Variants in LRFN5 observed in about 807,000 individuals in gnomAD.
The protein encoded by LRFN5 is leucine-rich repeat and fibronectin type-III domain-containing protein 5.
In LRFN5, 24 loss-of-function variants were observed where a neutral mutation model predicts 45.6. The ratio of observed to expected loss-of-function variants is 0.53; its 90% CI spans 0.38 to 0.74. The LOEUF is 0.74. LRFN5 is among the 30% of genes least tolerant of loss of function. The pLI, the probability that LRFN5 is intolerant of heterozygous loss-of-function variation, is 0.00. For synonymous variants in LRFN5, 340 were observed against 313.8 expected, an observed-to-expected ratio of 1.08 and a Z score of -0.88; for missense variants, 776 against 861.5, an observed-to-expected ratio of 0.90 and a Z score of 1.24.
chr14:41,615,241 C>G (rs567175087), intron 1 of LRFN5, among the ~76,000 whole-genome samples: 4 of 152,118 alleles, frequency 2.6e-5, no homozygotes, highest in African/African-American at 9.6e-5. Flanking sequence ...TATATTATTT[C>G]ACTTTTATAT....
intron 2 of LRFN5, among the ~76,000 whole-genome samples, chr14:41,834,692 C>T (rs2139040030): frequency 6.6e-6 from 1 of 152,156 alleles, no homozygotes; most frequent in African/African-American, 2.4e-5. Context: ...GACAGGTTCT[C>T]ACTCTGTTGC....
At chr14:41,773,959 A>G (rs777199406) in intron 2 of LRFN5, among the ~76,000 whole-genome samples, 2 of 152,212 alleles carry the variant, frequency 1.3e-5, no homozygotes, top group South Asian at 2.1e-4. Flanking sequence ...GCAGTACTTG[A>G]TATAGAGGAG....
At chr14:41,650,456 G>T (rs1001685772) in intron 1 of LRFN5, among the ~76,000 whole-genome samples, 1 of 152,062 alleles carries the variant, frequency 6.6e-6, no homozygotes, top group Non-Finnish European at 1.5e-5. Flanking sequence ...AATTAAATTT[G>T]TTAGCAATTA....
At chr14:41,751,822 G>C (rs570238992) in intron 1 of LRFN5, among the ~76,000 whole-genome samples, 3 of 152,206 alleles carry the variant, frequency 2.0e-5, no homozygotes, top group Admixed American at 6.5e-5. Flanking sequence ...GTGCAGGTTT[G>C]TTACATATGT....
intron 1 of LRFN5, among the ~76,000 whole-genome samples, chr14:41,639,092 C>T (rs887550195): frequency 6.6e-6 from 1 of 151,772 alleles, no homozygotes; most frequent in Non-Finnish European, 1.5e-5. Flanking sequence ...TCTTATGACT[C>T]CTAGTATTAG....
chr14:41,673,973 G>A (rs1177971607), intron 1 of LRFN5, among the ~76,000 whole-genome samples: 1 of 148,238 alleles, frequency 6.7e-6, no homozygotes, highest in Non-Finnish European at 1.5e-5. Flanking sequence ...CTCCCGGACG[G>A]GGTGGCTGCC....
intron 2 of LRFN5, among the ~76,000 whole-genome samples, chr14:41,869,210 T>A (rs1197890187): frequency 6.6e-6 from 1 of 152,114 alleles, no homozygotes; most frequent in African/African-American, 2.4e-5. Context: ...TTGTTTCCAG[T>A]TTGACATTAT....
At chr14:41,645,410 T>G (rs1248210145) in intron 1 of LRFN5, among the ~76,000 whole-genome samples, 1 of 152,146 alleles carries the variant, frequency 6.6e-6, no homozygotes. Flanking sequence ...AATTTTTGTA[T>G]TTTTAGTAGA....
chr14:41,817,189 T>C (rs1887951486), intron 2 of LRFN5, among the ~76,000 whole-genome samples: 1 of 152,136 alleles, frequency 6.6e-6, no homozygotes, highest in African/African-American at 2.4e-5. Context: ...GCATGTTGCC[T>C]GTCCATTAGA....
intron 1 of LRFN5, among the ~76,000 whole-genome samples, chr14:41,609,853 C>T (rs2138533461): frequency 6.6e-6 from 1 of 152,196 alleles, no homozygotes; most frequent in African/African-American, 2.4e-5. Context: ...AGTGTAGGGG[C>T]GCTGCCTGAT....
chr14:41,619,723 G>A (rs1888051346), intron 1 of LRFN5, among the ~76,000 whole-genome samples: 1 of 151,614 alleles, frequency 6.6e-6, no homozygotes, highest in Non-Finnish European at 1.5e-5. Flanking sequence ...ACATATATAT[G>A]TACATACATA....
chr14:41,873,258 C>A (rs1232183184), intron 2 of LRFN5, among the ~76,000 whole-genome samples: 1 of 152,092 alleles, frequency 6.6e-6, no homozygotes, highest in Admixed American at 6.6e-5. Flanking sequence ...AAACTCAAAT[C>A]ACAGAAACAC....
chr14:41,620,202 TA>T (rs567318309), intron 1 of LRFN5, among the ~76,000 whole-genome samples: 15 of 151,990 alleles, frequency 9.9e-5, no homozygotes, highest in Admixed American at 9.8e-4. Flanking sequence ...CAGAAATTGT[TA>T]AAAAAATAAT....
intron 2 of LRFN5, among the ~76,000 whole-genome samples, chr14:41,860,423 A>C (rs1027316882): frequency 6.6e-6 from 1 of 152,166 alleles, no homozygotes; most frequent in Non-Finnish European, 1.5e-5. Context: ...ATATAAACAA[A>C]AATAAATATA....
intron 3 of LRFN5, among the ~76,000 whole-genome samples, chr14:41,890,364 C>T (rs1460614250): frequency 6.6e-6 from 1 of 152,028 alleles, no homozygotes; most frequent in Admixed American, 6.6e-5. Flanking sequence ...AAAAACATAA[C>T]GCAGTCCAAG....
At chr14:41,625,824 A>C (rs1365857568) in intron 1 of LRFN5, among the ~76,000 whole-genome samples, 1 of 152,144 alleles carries the variant, frequency 6.6e-6, no homozygotes, top group Non-Finnish European at 1.5e-5. Flanking sequence ...ATACAGCCTA[A>C]GTATTCATCA....
intron 2 of LRFN5, among the ~76,000 whole-genome samples, chr14:41,827,520 G>A (rs1888339460): frequency 1.3e-5 from 2 of 151,528 alleles, no homozygotes; most frequent in African/African-American, 4.8e-5. Context: ...AAAAATAATC[G>A]AGGCAAAATG....
At chr14:41,848,770 C>T (rs1889159025) in intron 2 of LRFN5, among the ~76,000 whole-genome samples, 1 of 152,062 alleles carries the variant, frequency 6.6e-6, no homozygotes, top group Non-Finnish European at 1.5e-5. Context: ...TTCAGTTCCC[C>T]ATGGAGCCCC....
chr14:41,838,308 A>G (rs1017565888), intron 2 of LRFN5, among the ~76,000 whole-genome samples: 13 of 152,174 alleles, frequency 8.5e-5, no homozygotes, highest in Non-Finnish European at 1.9e-4. Flanking sequence ...TGATTATGGC[A>G]TAGGCAATAC....
Sources: gnomAD v4.1 joint callset for allele counts (sites outside exome capture counted in the v4.1 genomes callset) on GRCh38, gnomAD v4.1.1 for gene constraint, MANE v1.5 for transcripts, NCBI Gene and HGNC (gene_info 2026-07-23, HGNC 2026-07-21) for gene names.